The following RAD52 variants were observed in gnomAD, a reference collection of about 807,000 sequenced individuals.
The protein encoded by RAD52 is RAD52 DNA repair protein.
RAD52 carries 47 observed loss-of-function variants against 55.5 expected under a neutral mutation model. The ratio of observed to expected loss-of-function variants is 0.85; its 90% CI spans 0.67 to 1.08. The LOEUF (loss-of-function observed/expected upper bound fraction) is 1.08, where lower values mean the gene tolerates loss of function less well. Ranked by LOEUF, RAD52 falls within the 50% of genes least tolerant of loss-of-function variation. The pLI is 0.00. For synonymous variants in RAD52, 184 were observed against 198.9 expected (o/e 0.92, Z 0.63); for missense variants, 468 against 522.8 (o/e 0.90, Z 1.02).
At position 912,621 on chromosome 12, in the gene RAD52, T is replaced by A. The variant is rs1399360980; in HGVS notation, c.*770A>T. The A allele has an allele frequency of 5.7e-6, 1 of 175,948 alleles. No individual in the cohort carries two copies. Among genetic ancestry groups the A allele is most frequent in the Non-Finnish European group, 1.2e-5 (1 of 83,360 alleles). The allele number at this position is 175,948 out of a possible 1,614,324, so 10.9% of individuals were successfully genotyped here. A position where few individuals can be genotyped will look rare whatever the true frequency, so the allele number is the denominator to read the frequency against. ...TCACACCAGTAATCCCTGTATTTTG[T>A]AAGGCAGAGGTGGGAGTATCACTTG... On this transcript the variant is annotated 3_prime_UTR_variant, in exon 12 of 12. Coordinates refer to ENST00000358495, the MANE Select transcript of RAD52 (RefSeq NM_134424.4).
chr12:984,320 C>T (rs976273028), intron 1 of RAD52, among the ~76,000 whole-genome samples: 5 of 151,992 alleles, frequency 3.3e-5, no homozygotes, highest in Admixed American at 6.6e-5. Flanking sequence ...CTCATCCTCC[C>T]GAATAGCTGG....
intron 7 of RAD52, among the ~76,000 whole-genome samples, chr12:921,322 G>T (rs150522603): frequency 2.6e-5 from 4 of 152,342 alleles, no homozygotes; most frequent in African/African-American, 9.6e-5. Context: ...AAAAGTAGGA[G>T]TTGGGCCATA....
intron 1 of RAD52, among the ~76,000 whole-genome samples, chr12:971,823 C>A (rs1264318141): frequency 6.6e-6 from 1 of 151,446 alleles, no homozygotes; most frequent in South Asian, 2.1e-4. Context: ...TCTCGGCTCA[C>A]TGCAGGCTCC....
intron 1 of RAD52, among the ~76,000 whole-genome samples, chr12:971,746 C>G (rs1486805215): frequency 6.6e-6 from 1 of 151,942 alleles, no homozygotes; most frequent in Non-Finnish European, 1.5e-5. Context: ...TTTTTGAAAG[C>G]TATTTGGAAT....
At chr12:946,900 T>A (rs1045078804) in intron 1 of RAD52, among the ~76,000 whole-genome samples, 6 of 152,252 alleles carry the variant, frequency 3.9e-5, no homozygotes, top group Non-Finnish European at 4.4e-5. Flanking sequence ...TAACACGTTT[T>A]GGTGTACATT....
rs1956141529 is a variant in RAD52 at position 912,473 on chromosome 12, A to G, written c.*918T>C. On this transcript the variant is annotated 3_prime_UTR_variant, in exon 12 of 12. Transcript: ENST00000358495. Reference sequence around the variant, plus strand: ...TCTCATTATGTGTATACAAATATTCAAAAAATGCAAAACAATTCTGGTTTC... The same window carrying G: ...TCTCATTATGTGTATACAAATATTCGAAAAATGCAAAACAATTCTGGTTTC... 1.0e-5 allele frequency: 2 copies of G among 193,512 alleles called. No homozygotes were observed. Among genetic ancestry groups the G allele is most frequent in the South Asian group, 3.9e-4 (2 of 5,182 alleles). The allele number at this position is 193,512 out of a possible 1,614,324, so 12.0% of individuals were successfully genotyped here. A position where few individuals can be genotyped will look rare whatever the true frequency, so the allele number is the denominator to read the frequency against.
At position 911,883 on chromosome 12, in the gene RAD52, C is replaced by T. The variant is rs182998747; in HGVS notation, c.*1508G>A. On this transcript the variant is annotated 3_prime_UTR_variant, in exon 12 of 12. Coordinates refer to ENST00000358495, the MANE Select transcript of RAD52 (RefSeq NM_134424.4). ...ACTAAAAATACAAAAATTAGTCGGG[C>T]GTCGTGGTGGGTGTCTGTAATCCCA... 7.0e-4 allele frequency among the ~76,000 whole-genome samples: 107 copies of T among 152,116 alleles called. No individual in the cohort carries two copies. The East Asian group carries it at 0.016, about 23-fold the overall frequency.
At chr12:941,621 AATTTTT>A (rs1236218950) in intron 1 of RAD52, among the ~76,000 whole-genome samples, 2 of 149,108 alleles carry the variant, frequency 1.3e-5, no homozygotes, top group Admixed American at 6.7e-5. Context: ...CCTGGCCCAA[AATTTTT>A]ATTTTTATTA....
intron 1 of RAD52, among the ~76,000 whole-genome samples, chr12:939,052 T>TTGTG (rs1555176185): frequency 0.19 from 26,394 of 140,992 alleles, 2,454 homozygotes; most frequent in East Asian, 0.27. Flanking sequence ...ATTCAACTAA[T>TTGTG]TGTGTGTGTG....
intron 1 of RAD52, among the ~76,000 whole-genome samples, chr12:965,040 C>G (rs961724353): frequency 1.3e-4 from 20 of 151,772 alleles, no homozygotes; most frequent in African/African-American, 4.9e-4. Flanking sequence ...AGTGCAATGG[C>G]GCCATCTTGG....
intron 1 of RAD52, among the ~76,000 whole-genome samples, chr12:969,748 C>G (rs1291117626): frequency 2.0e-5 from 3 of 151,350 alleles, no homozygotes; most frequent in Non-Finnish European, 4.4e-5. Flanking sequence ...TATGATCACA[C>G]CACTGCACTC....
chr12:955,750 G>C (rs985632062), intron 1 of RAD52, among the ~76,000 whole-genome samples: 33 of 151,720 alleles, frequency 2.2e-4, no homozygotes, highest in Non-Finnish European at 3.2e-4. Flanking sequence ...GGGGTTACAG[G>C]TGTGAGCCAC....
intron 2 of RAD52, among the ~76,000 whole-genome samples, 162 bp downstream of exon 2, chr12:932,812 CT>C: frequency 1.1e-4 from 3 of 27,580 alleles, no homozygotes; most frequent in South Asian, 3.8e-3. Flanking sequence ...CTAGGTACTG[CT>C]CACACACGTA....
chr12:928,613 A>G (rs1212199138), intron 5 of RAD52, among the ~76,000 whole-genome samples: 2 of 152,020 alleles, frequency 1.3e-5, no homozygotes, highest in Non-Finnish European at 2.9e-5. Flanking sequence ...TCATTAAGAT[A>G]TACATTTTCC....
intron 1 of RAD52, among the ~76,000 whole-genome samples, chr12:965,137 G>T (rs531395746): frequency 2.0e-5 from 3 of 151,620 alleles, no homozygotes; most frequent in Non-Finnish European, 2.9e-5. Flanking sequence ...GCACCACCAC[G>T]CCCGGCTAAT....
In RAD52 at chr12:914,373, T is replaced by A. The variant is rs540143505; in HGVS notation, c.967+58A>T. On this transcript the variant is annotated intron_variant, in intron 10 of 11. Coordinates refer to ENST00000358495, the MANE Select transcript of RAD52 (RefSeq NM_134424.4). ...GGATTTTTATGTCGCCTAAAAGGTA[T>A]TCTGTGGCTACTAGAAACATACAGC... The A allele has an allele frequency of 1.9e-6, 3 of 1,600,854 alleles. No homozygotes were observed. In the African/African-American group the frequency reaches 4.0e-5, roughly 22 times the overall value.
chr12:941,860 C>T (rs1805743325), intron 1 of RAD52, among the ~76,000 whole-genome samples: 1 of 152,208 alleles, frequency 6.6e-6, no homozygotes, highest in African/African-American at 2.4e-5. Context: ...TGGTCTCGAA[C>T]TCCTGACCTC....
At chr12:987,366 GA>G (rs1455510069) in intron 1 of RAD52, among the ~76,000 whole-genome samples, 1 of 70,176 alleles carries the variant, frequency 1.4e-5, no homozygotes, top group Non-Finnish European at 5.1e-5. Context: ...TCACATGGTT[GA>G]ATTTTTTTTT....
intron 1 of RAD52, among the ~76,000 whole-genome samples, chr12:940,855 G>A (rs1347329618): frequency 2.7e-5 from 4 of 150,114 alleles, no homozygotes; most frequent in African/African-American, 4.9e-5. Flanking sequence ...TGCAAACTTC[G>A]AGAAAAAAAA....
Sources: gnomAD v4.1 joint callset for allele counts (sites outside exome capture counted in the v4.1 genomes callset) on GRCh38, gnomAD v4.1.1 for gene constraint, MANE v1.5 for transcripts, NCBI Gene and HGNC (gene_info 2026-07-23, HGNC 2026-07-21) for gene names.